IGSF21: variants seen among roughly 807,000 people sequenced by gnomAD.
IGSF21 encodes the protein immunoglobin superfamily member 21.
IGSF21 carries 28 observed loss-of-function variants against 46.8 expected under a neutral mutation model. The ratio of observed to expected loss-of-function variants is 0.60; its 90% CI spans 0.44 to 0.82. The LOEUF (loss-of-function observed/expected upper bound fraction) is 0.82, where lower values mean the gene tolerates loss of function less well. Ranked by LOEUF, IGSF21 falls within the 40% of genes least tolerant of loss-of-function variation. The probability of loss-of-function intolerance (pLI) is 0.00; values close to 1 mark genes in which losing one functional copy is unlikely to be tolerated. For missense variants in IGSF21, 624 were observed against 665.5 expected, an observed-to-expected ratio of 0.94 and a Z score of 0.69; for synonymous variants, 284 against 273.6, an observed-to-expected ratio of 1.04 and a Z score of -0.38.
intron 1 of IGSF21, among the ~76,000 whole-genome samples, chr1:18,118,089 G>T (rs1166170562): frequency 1.3e-5 from 2 of 152,150 alleles, no homozygotes; most frequent in Admixed American, 6.5e-5. Context: ...TACATCACAG[G>T]ACAGCTTGGG....
chr1:18,302,450 A>T (rs1386480803), intron 3 of IGSF21, among the ~76,000 whole-genome samples: 4 of 150,160 alleles, frequency 2.7e-5, no homozygotes, highest in Non-Finnish European at 5.9e-5. Flanking sequence ...AACTCTCTCC[A>T]CCTCCTGTTA....
chr1:18,187,031 G>A (rs145507552), intron 1 of IGSF21, among the ~76,000 whole-genome samples: 92 of 152,134 alleles, frequency 6.0e-4, no homozygotes, highest in African/African-American at 1.9e-3. Context: ...AGGCAAGCTC[G>A]GGCTGCTATA....
At chr1:18,249,399 C>T (rs922317617) in intron 2 of IGSF21, among the ~76,000 whole-genome samples, 1 of 152,020 alleles carries the variant, frequency 6.6e-6, no homozygotes, top group African/African-American at 2.4e-5. Flanking sequence ...CAGGTGCCTG[C>T]TAGACACACC....
At chr1:18,238,011 T>C (rs1433996104) in intron 2 of IGSF21, among the ~76,000 whole-genome samples, 1 of 50,204 alleles carries the variant, frequency 2.0e-5, no homozygotes, top group African/African-American at 4.2e-5. Flanking sequence ...CTTCTGGGGG[T>C]GCTCAAACCC....
intron 4 of IGSF21, among the ~76,000 whole-genome samples, chr1:18,350,554 T>C (rs1288427631): frequency 6.6e-6 from 1 of 152,170 alleles, no homozygotes; most frequent in Admixed American, 6.5e-5. Context: ...ACCTGAGTGA[T>C]GGGTGCATGA....
intron 1 of IGSF21, among the ~76,000 whole-genome samples, chr1:18,223,014 C>T (rs1208543879): frequency 6.6e-6 from 1 of 152,162 alleles, no homozygotes; most frequent in South Asian, 2.1e-4. Context: ...CCCTCCTCAC[C>T]CCAGCCAGAG....
At chr1:18,333,185 G>A (rs1174169385) in intron 3 of IGSF21, among the ~76,000 whole-genome samples, 1 of 152,152 alleles carries the variant, frequency 6.6e-6, no homozygotes, top group African/African-American at 2.4e-5. Context: ...AGGTTAGTCA[G>A]GTAAGTCCAT....
chr1:18,316,518 C>T (rs944313328), intron 3 of IGSF21, among the ~76,000 whole-genome samples: 2 of 152,164 alleles, frequency 1.3e-5, no homozygotes, highest in Admixed American at 1.3e-4. Context: ...CTCCTACTGT[C>T]TTGTGTGCAA....
intron 2 of IGSF21, among the ~76,000 whole-genome samples, chr1:18,236,750 C>A (rs187757836): frequency 6.6e-6 from 1 of 152,118 alleles, no homozygotes; most frequent in Admixed American, 6.5e-5. Context: ...GTCCTGGATT[C>A]CAAGAAAAGA....
At position 18,376,507 on chromosome 1, in the gene IGSF21, C is replaced by T. The variant is rs1013145884; in HGVS notation, c.1101+112C>T. On this transcript the variant is annotated intron_variant, in intron 7 of 9. Transcript: ENST00000251296. ...ACACTCTTCCTTTGATCCCCAGCCA[C>T]ATCCAGTGGGTTTCAGTTTCCCAAT... 7.1e-6 allele frequency: 6 copies of T among 848,918 alleles called. No individual in the cohort carries two copies. The African/African-American group carries it at 8.3e-5, about 12-fold the overall frequency. 52.6% of individuals were successfully genotyped at this position (848,918 alleles called of 1,614,324 possible).
chr1:18,278,285 G>T (rs983084033), intron 2 of IGSF21, among the ~76,000 whole-genome samples: 1 of 151,674 alleles, frequency 6.6e-6, no homozygotes, highest in Non-Finnish European at 1.5e-5. Context: ...TGTTGCCCAG[G>T]CTGGAGGGCA....
chr1:18,200,705 G>A (rs1235509326), intron 1 of IGSF21, among the ~76,000 whole-genome samples: 3 of 152,190 alleles, frequency 2.0e-5, no homozygotes, highest in Non-Finnish European at 4.4e-5. Flanking sequence ...TACAGGTGTA[G>A]GGCTTAGGAT....
Position 18,334,532 on chromosome 1 carries a change from T to A in IGSF21, c.306-360T>A, listed in dbSNP as rs2085746042. 6.6e-6 allele frequency among the ~76,000 whole-genome samples: 1 copy of A among 152,184 alleles called. No individual in the cohort carries two copies. Among genetic ancestry groups the A allele is most frequent in the African/African-American group, 2.4e-5 (1 of 41,440 alleles). The stretch of plus-strand genomic sequence containing the variant: ...TCCAGTGACAGTTTTGGTCCCATAC[T>A]GCATGCAGCGACATACTAAATGCCC... On this transcript the variant is annotated intron_variant, in intron 3 of 9. Coordinates refer to ENST00000251296, the MANE Select transcript of IGSF21 (RefSeq NM_032880.5). This position sits in a 1 kb window ranked among gnomAD's most constrained non-coding sequence, Gnocchi z 4.3.
Position 18,109,418 on chromosome 1 carries a change from C to A in IGSF21, c.70+1220C>A. 6.6e-6 allele frequency: 1 copy of A among 152,290 alleles called. No homozygotes were observed. The allele number at this position is 152,290 out of a possible 1,614,324, so 9.4% of individuals were successfully genotyped here. ...AATAAGGTCTCGACCCCGAGCCCCA[C>A]TGGATGATAGAGGTGGGCATCACCT... is the stretch of plus-strand genomic sequence containing the variant. On this transcript the variant is annotated intron_variant, in intron 1 of 9. Transcript: ENST00000251296. The surrounding 1 kb of genome is among the most constrained non-coding windows in gnomAD (Gnocchi z 4.8).
intron 4 of IGSF21, among the ~76,000 whole-genome samples, chr1:18,346,742 G>A (rs561791554): frequency 3.9e-5 from 6 of 152,292 alleles, no homozygotes; most frequent in East Asian, 3.9e-4. Context: ...CCTGCCAGCC[G>A]GAGCTTCTGA....
chr1:18,275,098 C>A (rs1336316211), intron 2 of IGSF21, among the ~76,000 whole-genome samples: 2 of 152,150 alleles, frequency 1.3e-5, no homozygotes, highest in Non-Finnish European at 1.5e-5. Context: ...AAAACAGGGG[C>A]CTCTTCTTAA....
chr1:18,252,399 T>C (rs886332613), intron 2 of IGSF21, among the ~76,000 whole-genome samples: 2 of 152,162 alleles, frequency 1.3e-5, no homozygotes, highest in African/African-American at 4.8e-5. Flanking sequence ...AATGTAGTAA[T>C]GGCTTTTAGA....
intron 4 of IGSF21, among the ~76,000 whole-genome samples, chr1:18,343,487 T>C (rs1291848123): frequency 6.6e-6 from 1 of 152,248 alleles, no homozygotes; most frequent in Non-Finnish European, 1.5e-5. Context: ...TTGTCACTTG[T>C]GCTTTTCGTG....
intron 1 of IGSF21, among the ~76,000 whole-genome samples, chr1:18,159,170 CCAGCA>C (rs1047256493): frequency 6.6e-6 from 1 of 152,216 alleles, no homozygotes; most frequent in Admixed American, 6.5e-5. Context: ...AGCCTGGTGT[CCAGCA>C]CAGCTCCGGA....
Sources: gnomAD v4.1 joint callset for allele counts (sites outside exome capture counted in the v4.1 genomes callset) on GRCh38, gnomAD v4.1.1 for gene constraint, Gnocchi (gnomAD v3.1) non-coding constraint, MANE v1.5 for transcripts, NCBI Gene and HGNC (gene_info 2026-07-23, HGNC 2026-07-21) for gene names.